Variants in DCLK1 observed in about 807,000 individuals in gnomAD.
DCLK1 encodes doublecortin like kinase 1.
DCLK1 carries 16 observed loss-of-function variants against 86.2 expected under a neutral mutation model. The ratio of observed to expected loss-of-function variants is 0.19; its 90% CI spans 0.13 to 0.28. The LOEUF (loss-of-function observed/expected upper bound fraction) is 0.28, where lower values mean the gene tolerates loss of function less well. Among genes scored for constraint, DCLK1 ranks in the 10% least tolerant of loss-of-function variants. DCLK1 has a pLI of 1.00. For synonymous variants in DCLK1, 369 were observed against 370.5 expected, an observed-to-expected ratio of 1.00 and a Z score of 0.05; for missense variants, 590 against 940.2, an observed-to-expected ratio of 0.63 and a Z score of 4.87.
chr13:35,811,011 C>T, intron 11 of DCLK1, 43 bp from the exon 12 acceptor site: 1 of 1,610,680 alleles, frequency 6.2e-7, no homozygotes, highest in South Asian at 1.1e-5. Context: ...AAACCAAGAG[C>T]TCAAAAGCCC....
chr13:36,049,787 G>C (rs1489168999), intron 3 of DCLK1, among the ~76,000 whole-genome samples: 2 of 152,194 alleles, frequency 1.3e-5, no homozygotes, highest in East Asian at 1.9e-4. Flanking sequence ...TATGGAAAGA[G>C]AGCAAAAGTA....
In DCLK1 at chr13:36,072,339, C is replaced by A. The variant is rs148814123; in HGVS notation, c.723+39530G>T. 3.3e-3 allele frequency among the ~76,000 whole-genome samples: 499 copies of A among 152,316 alleles called. 1 individual carries two copies. The highest frequency in any genetic ancestry group is 0.012 in the African/African-American group (480 of 41,574). On this transcript the variant is annotated intron_variant, in intron 3 of 16. Transcript: ENST00000360631. ...TCTAACCAGTCACTCCTTTTCAGTT[C>A]TTTATACGGGTGCCCTTTCTTTTTC...
intron 2 of DCLK1, among the ~76,000 whole-genome samples, chr13:36,124,182 C>T (rs921247957): frequency 6.6e-6 from 1 of 152,168 alleles, no homozygotes; most frequent in African/African-American, 2.4e-5. Flanking sequence ...CCTGACTTTG[C>T]GTATAACTTT....
chr13:35,911,220 G>A (rs560075125), intron 4 of DCLK1, among the ~76,000 whole-genome samples: 5 of 151,334 alleles, frequency 3.3e-5, no homozygotes, highest in South Asian at 2.1e-4. Flanking sequence ...CGTGAACCCC[G>A]GAGGCAGAGC....
chr13:35,998,971 T>G (rs1175174003), intron 3 of DCLK1, among the ~76,000 whole-genome samples: 1 of 152,114 alleles, frequency 6.6e-6, no homozygotes, highest in Non-Finnish European at 1.5e-5. Flanking sequence ...ATTTCCCAAA[T>G]AGGCCAGGCA....
At chr13:35,989,005 C>G (rs909814489) in intron 3 of DCLK1, among the ~76,000 whole-genome samples, 17 of 152,068 alleles carry the variant, frequency 1.1e-4, no homozygotes, top group African/African-American at 4.1e-4. Context: ...CTCTCACCTG[C>G]AGGCCATCTT....
intron 3 of DCLK1, among the ~76,000 whole-genome samples, chr13:35,981,084 G>T (rs1879613673): frequency 6.6e-6 from 1 of 152,116 alleles, no homozygotes; most frequent in Non-Finnish European, 1.5e-5. Context: ...AGATTTCAGA[G>T]AAAAGAATAT....
chr13:36,074,439 C>A (rs1884095729), intron 3 of DCLK1, among the ~76,000 whole-genome samples: 1 of 100,986 alleles, frequency 9.9e-6, no homozygotes, highest in African/African-American at 4.0e-5. Flanking sequence ...GCAGTGAGCT[C>A]CAGCCTGGGC....
At chr13:35,813,716 AG>A (rs2087201919) in intron 11 of DCLK1, among the ~76,000 whole-genome samples, 1 of 148,884 alleles carries the variant, frequency 6.7e-6, no homozygotes, top group Non-Finnish European at 1.5e-5. Context: ...TCACTTGCAC[AG>A]TGCCCCGCCC....
At chr13:36,101,212 A>C (rs1165981355) in intron 3 of DCLK1, among the ~76,000 whole-genome samples, 1 of 152,178 alleles carries the variant, frequency 6.6e-6, no homozygotes. Context: ...TTGTGGCATT[A>C]ATCTCTTCCT....
chr13:36,041,188 A>G (rs1206508573), intron 3 of DCLK1, among the ~76,000 whole-genome samples: 1 of 152,186 alleles, frequency 6.6e-6, no homozygotes, highest in Non-Finnish European at 1.5e-5. Flanking sequence ...ATATTTCTAT[A>G]TGTAACCATC....
intron 8 of DCLK1, among the ~76,000 whole-genome samples, chr13:35,833,472 A>G (rs946825473): frequency 7.9e-5 from 12 of 152,138 alleles, no homozygotes; most frequent in African/African-American, 2.4e-4. Flanking sequence ...GTCACAGTCC[A>G]CTAACTTCCT....
At chr13:35,828,371 T>C in intron 8 of DCLK1, 64 bp from the exon 9 acceptor site, 3 of 1,378,430 alleles carry the variant, frequency 2.2e-6, no homozygotes, top group Non-Finnish European at 3.0e-6. Context: ...AATTATTTTG[T>C]CAGGGATCAA....
chr13:35,846,771 T>A, intron 6 of DCLK1: 1 of 985,310 alleles, frequency 1.0e-6, no homozygotes, highest in Non-Finnish European at 1.2e-6. Context: ...TATGCATAAA[T>A]GAGCAAATGT....
intron 2 of DCLK1, among the ~76,000 whole-genome samples, chr13:36,118,391 TG>T (rs2138203439): frequency 6.6e-6 from 1 of 152,292 alleles, no homozygotes; most frequent in Non-Finnish European, 1.5e-5. Context: ...ATTGACTGGA[TG>T]TGGGTTCCGA....
At chr13:35,976,580 G>T (rs978578919) in intron 3 of DCLK1, among the ~76,000 whole-genome samples, 29 of 128,562 alleles carry the variant, frequency 2.3e-4, no homozygotes, top group Non-Finnish European at 4.5e-4. Flanking sequence ...GCCCAGGCTG[G>T]AGTGCAGTGG....
At chr13:35,959,612 T>C (rs899765643) in intron 3 of DCLK1, among the ~76,000 whole-genome samples, 1 of 152,170 alleles carries the variant, frequency 6.6e-6, no homozygotes, top group African/African-American at 2.4e-5. Context: ...GTATTCCAAA[T>C]GAGACATGTC....
At chr13:36,086,654 T>C (rs1015386876) in intron 3 of DCLK1, among the ~76,000 whole-genome samples, 4 of 152,056 alleles carry the variant, frequency 2.6e-5, no homozygotes, top group African/African-American at 9.7e-5. Context: ...TGGTGTGTGA[T>C]GTTCCCCTCC....
Position 36,049,721 on chromosome 13 carries a change from C to T in DCLK1, c.723+62148G>A, listed in dbSNP as rs188136142. On this transcript the variant is annotated intron_variant, in intron 3 of 16. Transcript: ENST00000360631. ...TTAATTTTCTTTGAAATCATATTTG[C>T]AGTTTTGCAAGTATTTTAAAAAATA... 4.6e-5 allele frequency among the ~76,000 whole-genome samples: 7 copies of T among 152,160 alleles called. No individual in the cohort carries two copies. The East Asian group carries it at 1.3e-3, about 29-fold the overall frequency.
Sources: allele counts gnomAD v4.1 joint callset (sites outside exome capture counted in the v4.1 genomes callset), GRCh38; gene constraint gnomAD v4.1.1; transcripts MANE v1.5; gene names NCBI Gene and HGNC (gene_info 2026-07-23, HGNC 2026-07-21).